The following ANO3 variants were observed in gnomAD, a reference collection of about 807,000 sequenced individuals.
ANO3 encodes the protein anoctamin-3.
In ANO3, 99 loss-of-function variants were observed where a neutral mutation model predicts 144.8. That is an observed-to-expected ratio of 0.68 (90% CI 0.58 to 0.81). The LOEUF (loss-of-function observed/expected upper bound fraction) is 0.81, where lower values mean the gene tolerates loss of function less well. Ranked by LOEUF, ANO3 falls within the 30% of genes least tolerant of loss-of-function variation. The pLI, the probability that ANO3 is intolerant of heterozygous loss-of-function variation, is 0.00. For missense variants in ANO3, 905 were observed against 1,202.2 expected, an observed-to-expected ratio of 0.75 and a Z score of 3.66; for synonymous variants, 414 against 392.6, an observed-to-expected ratio of 1.05 and a Z score of -0.64.
intron 11 of ANO3, among the ~76,000 whole-genome samples, chr11:26,543,008 T>C (rs1348217545): frequency 1.3e-5 from 2 of 152,012 alleles, no homozygotes; most frequent in African/African-American, 4.8e-5. Flanking sequence ...AAAAGAACTA[T>C]ATACAGAAGC....
intron 1 of ANO3, chr11:26,427,455 G>C (rs1857951377): frequency 6.6e-6 from 1 of 152,112 alleles, no homozygotes; most frequent in Admixed American, 6.6e-5. Context: ...CATGGCCCAA[G>C]TTTCCCGCCA....
chr11:26,510,966 A>G (rs371271870), intron 5 of ANO3, among the ~76,000 whole-genome samples: 1 of 152,210 alleles, frequency 6.6e-6, no homozygotes, highest in South Asian at 2.1e-4. Context: ...TCTCAGCAGG[A>G]CAGTGTCCAT....
intron 1 of ANO3, among the ~76,000 whole-genome samples, chr11:26,244,418 T>C (rs1852736615): frequency 6.6e-6 from 1 of 152,184 alleles, no homozygotes; most frequent in Non-Finnish European, 1.5e-5. Flanking sequence ...TTTCATAATA[T>C]GTTACAAAAT....
chr11:26,376,764 GA>G (rs1208864039), intron 1 of ANO3, among the ~76,000 whole-genome samples: 1 of 152,128 alleles, frequency 6.6e-6, no homozygotes, highest in Non-Finnish European at 1.5e-5. Context: ...GGCTAGCAAT[GA>G]ATTTTGTACT....
intron 6 of ANO3, among the ~76,000 whole-genome samples, chr11:26,524,806 C>G (rs1443812392): frequency 6.6e-6 from 1 of 152,172 alleles, no homozygotes; most frequent in Non-Finnish European, 1.5e-5. Context: ...ATCCTCCACT[C>G]TTTTATCAGG....
chr11:26,212,182 A>G (rs995002115), intron 1 of ANO3, among the ~76,000 whole-genome samples: 1 of 152,096 alleles, frequency 6.6e-6, no homozygotes, highest in African/African-American at 2.4e-5. Flanking sequence ...CATTCTGCAC[A>G]TATACCTCAA....
intron 20 of ANO3, among the ~76,000 whole-genome samples, chr11:26,638,772 C>A (rs1473097339): frequency 6.6e-6 from 1 of 152,106 alleles, no homozygotes; most frequent in African/African-American, 2.4e-5. Flanking sequence ...TTATTAAAAA[C>A]AATATATTAT....
intron 18 of ANO3, among the ~76,000 whole-genome samples, chr11:26,625,842 G>T (rs1243135450): frequency 6.6e-6 from 1 of 151,980 alleles, no homozygotes; most frequent in Admixed American, 6.6e-5. Flanking sequence ...TCTAGAATTT[G>T]GATACTACTT....
chr11:26,413,663 A>T (rs1857492283), intron 1 of ANO3, among the ~76,000 whole-genome samples: 1 of 152,052 alleles, frequency 6.6e-6, no homozygotes, highest in Admixed American at 6.6e-5. Flanking sequence ...TTATTTATGT[A>T]ATTCTTTAAG....
At chr11:26,229,576 A>C (rs1352705903) in intron 1 of ANO3, among the ~76,000 whole-genome samples, 1 of 152,208 alleles carries the variant, frequency 6.6e-6, no homozygotes, top group Non-Finnish European at 1.5e-5. Context: ...CTCAGTGTGC[A>C]TATGCTAGTT....
intron 24 of ANO3, 90 bp downstream of exon 24, chr11:26,647,946 A>G: frequency 7.8e-7 from 1 of 1,283,668 alleles, no homozygotes; most frequent in Non-Finnish European, 1.1e-6. Context: ...TGTGACCATT[A>G]AGGGTGGTGT....
intron 3 of ANO3, among the ~76,000 whole-genome samples, chr11:26,455,538 G>A (rs567976512): frequency 4.1e-4 from 63 of 152,224 alleles, no homozygotes; most frequent in African/African-American, 1.4e-3. Context: ...CATCTTCAAG[G>A]AGAACTACAA....
intron 1 of ANO3, among the ~76,000 whole-genome samples, chr11:26,417,551 A>G (rs1375949607): frequency 6.6e-6 from 1 of 152,128 alleles, no homozygotes; most frequent in Non-Finnish European, 1.5e-5. Flanking sequence ...AACAGAGTAT[A>G]GGAAAATGGC....
At chr11:26,584,179 A>G (rs975453072) in intron 14 of ANO3, among the ~76,000 whole-genome samples, 1 of 151,498 alleles carries the variant, frequency 6.6e-6, no homozygotes, top group Non-Finnish European at 1.5e-5. Flanking sequence ...TTGTTTGTTG[A>G]GATGTAGTCT....
intron 4 of ANO3, among the ~76,000 whole-genome samples, chr11:26,496,402 C>T (rs892845533): frequency 3.9e-5 from 6 of 152,176 alleles, no homozygotes; most frequent in African/African-American, 9.7e-5. Context: ...TCCACATTTG[C>T]AGGATCTGCA....
At chr11:26,392,061 A>G (rs1856895812) in intron 1 of ANO3, among the ~76,000 whole-genome samples, 1 of 151,978 alleles carries the variant, frequency 6.6e-6, no homozygotes, top group Non-Finnish European at 1.5e-5. Flanking sequence ...TGCATTCTTT[A>G]CCCTTCCTCT....
At position 26,290,760 on chromosome 11, in the gene ANO3, C is replaced by T. The variant is rs1853937692; in HGVS notation, c.155-18885C>T. On this transcript the variant is annotated intron_variant, in intron 1 of 27. Coordinates refer to the ANO3 transcript ENST00000672621. ...AATCCTGAGTTCTAATTTGATTGCACTATGGGCTGAGACACAGTTTGTTAC... is the reference window on the plus strand; with the variant it reads ...AATCCTGAGTTCTAATTTGATTGCATTATGGGCTGAGACACAGTTTGTTAC... Among the ~76,000 whole-genome samples the T allele has an allele frequency of 2.0e-5, 3 of 152,290 alleles. No homozygotes were observed. The South Asian group carries it at 6.2e-4, about 32-fold the overall frequency.
chr11:26,206,967 G>T (rs1437595298), intron 1 of ANO3, among the ~76,000 whole-genome samples: 1 of 152,060 alleles, frequency 6.6e-6, no homozygotes, highest in African/African-American at 2.4e-5. Flanking sequence ...AAGTATGAAG[G>T]GCAAATATTA....
At chr11:26,253,083 C>T (rs1299448423) in intron 1 of ANO3, among the ~76,000 whole-genome samples, 1 of 152,170 alleles carries the variant, frequency 6.6e-6, no homozygotes, top group Non-Finnish European at 1.5e-5. Context: ...TAATGACTGC[C>T]ATGTCCACAG....
Sources: allele counts gnomAD v4.1 joint callset (sites outside exome capture counted in the v4.1 genomes callset), GRCh38; gene constraint gnomAD v4.1.1; transcripts MANE v1.5; gene names NCBI Gene and HGNC (gene_info 2026-07-23, HGNC 2026-07-21).